Variants in TBC1D32 observed in about 807,000 individuals in gnomAD.
The protein encoded by TBC1D32 is protein broad-minded.
TBC1D32 carries 151 observed loss-of-function variants against 170.3 expected under a neutral mutation model. That is an observed-to-expected ratio of 0.89 (90% CI 0.78 to 1.01). The LOEUF (loss-of-function observed/expected upper bound fraction) is 1.01, where lower values mean the gene tolerates loss of function less well. TBC1D32 is among the 50% of genes least tolerant of loss of function. TBC1D32 has a pLI of 0.00. For synonymous variants in TBC1D32, 498 were observed against 488.0 expected, an observed-to-expected ratio of 1.02 and a Z score of -0.27; for missense variants, 1,464 against 1,457.1, an observed-to-expected ratio of 1.00 and a Z score of -0.08.
At chr6:121,200,504 G>A (rs1326987160) in intron 22 of TBC1D32, among the ~76,000 whole-genome samples, 3 of 151,542 alleles carry the variant, frequency 2.0e-5, no homozygotes, top group Non-Finnish European at 4.4e-5. Context: ...GCTAAGCCTT[G>A]GGCAGTATCA....
chr6:121,119,186 A>T (rs1399782157), intron 26 of TBC1D32, among the ~76,000 whole-genome samples: 1 of 152,196 alleles, frequency 6.6e-6, no homozygotes, highest in East Asian at 1.9e-4. Context: ...CATATTAAAA[A>T]GCACATTGCC....
intron 22 of TBC1D32, among the ~76,000 whole-genome samples, chr6:121,175,783 C>G (rs563647220): frequency 3.0e-4 from 45 of 152,180 alleles, no homozygotes; most frequent in African/African-American, 1.0e-3. Context: ...TTAAAGTCAT[C>G]AGGAAGGCAA....
intron 22 of TBC1D32, chr6:121,170,383 T>C (rs1369144409): frequency 3.2e-6 from 5 of 1,578,546 alleles, no homozygotes; most frequent in Non-Finnish European, 4.3e-6. Flanking sequence ...GCTGTTACTC[T>C]GTTTTAATCA....
chr6:121,121,033 T>C (rs1442834901), intron 26 of TBC1D32, among the ~76,000 whole-genome samples: 1 of 151,912 alleles, frequency 6.6e-6, no homozygotes, highest in Non-Finnish European at 1.5e-5. Context: ...AATATAGATG[T>C]GAATATAGTA....
rs1212176923 is a variant in TBC1D32 at position 121,090,477 on chromosome 6, T to C, written c.3654+376A>G. Among the ~76,000 whole-genome samples the C allele has an allele frequency of 5.3e-5, 8 of 152,232 alleles. No individual in the cohort carries two copies. In the East Asian group the frequency reaches 1.5e-3, roughly 29 times the overall value. On this transcript the variant is annotated intron_variant, in intron 31 of 31. Transcript: ENST00000398212. ...TTATAAAAATGGAAGTTTAGAAAAA[T>C]ATAAAAATATGAAAGCATAGGAAAT... is the stretch of plus-strand genomic sequence containing the variant.
At chr6:121,192,082 A>ATATATCTC (rs57260767) in intron 22 of TBC1D32, among the ~76,000 whole-genome samples, 1 of 133,634 alleles carries the variant, frequency 7.5e-6, no homozygotes, top group African/African-American at 2.6e-5. Flanking sequence ...ATATATATAT[A>ATATATCTC]TCCTATTAGT....
At chr6:121,240,228 A>AT (rs1253302629) in intron 19 of TBC1D32, among the ~76,000 whole-genome samples, 1 of 152,016 alleles carries the variant, frequency 6.6e-6, no homozygotes, top group African/African-American at 2.4e-5. Context: ...AAGCTTAATG[A>AT]TTTTACCAAG....
chr6:121,157,488 T>C (rs1435112476), intron 24 of TBC1D32, among the ~76,000 whole-genome samples: 2 of 152,140 alleles, frequency 1.3e-5, no homozygotes, highest in African/African-American at 4.8e-5. Flanking sequence ...AGTGGGGTGT[T>C]TAGGCCAGTT....
At chr6:121,279,359 A>C in intron 14 of TBC1D32, 114 bp from the exon 15 acceptor site, 1 of 1,204,982 alleles carries the variant, frequency 8.3e-7, no homozygotes. Flanking sequence ...TACAACAAAA[A>C]ACAAGCTTAA....
intron 1 of TBC1D32, among the ~76,000 whole-genome samples, chr6:121,331,795 C>G (rs896797099): frequency 6.6e-6 from 1 of 152,046 alleles, no homozygotes; most frequent in Non-Finnish European, 1.5e-5. Context: ...ATGGAGAGAC[C>G]AAAGTTAAGC....
intron 22 of TBC1D32, among the ~76,000 whole-genome samples, chr6:121,193,146 A>G (rs1790296076): frequency 6.6e-6 from 1 of 152,186 alleles, no homozygotes; most frequent in Non-Finnish European, 1.5e-5. Context: ...GGAACATAGA[A>G]TTGGATCAGG....
intron 20 of TBC1D32, among the ~76,000 whole-genome samples, chr6:121,234,062 T>C (rs1464000158): frequency 1.3e-5 from 2 of 152,172 alleles, no homozygotes; most frequent in Non-Finnish European, 2.9e-5. Context: ...GCTTGTAGGG[T>C]TTCTGGTGAG....
chr6:121,256,541 C>T (rs1016975377), intron 15 of TBC1D32, among the ~76,000 whole-genome samples: 4 of 152,120 alleles, frequency 2.6e-5, no homozygotes, highest in African/African-American at 4.8e-5. Context: ...GCATTGAGAC[C>T]ACAGCCATGT....
intron 20 of TBC1D32, among the ~76,000 whole-genome samples, chr6:121,227,723 TA>T (rs1448952261): frequency 6.6e-6 from 1 of 152,098 alleles, no homozygotes; most frequent in South Asian, 2.1e-4. Flanking sequence ...TATAGTATTT[TA>T]AAAAAACATT....
intron 4 of TBC1D32, 54 bp from the exon 5 acceptor site, chr6:121,308,155 C>T: frequency 1.3e-6 from 2 of 1,553,392 alleles, no homozygotes; most frequent in Non-Finnish European, 1.8e-6. Flanking sequence ...AATAATGCCA[C>T]TTTTCCAAAA....
chr6:121,239,798 A>C (rs1019976776), intron 19 of TBC1D32, among the ~76,000 whole-genome samples: 1 of 152,212 alleles, frequency 6.6e-6, no homozygotes, highest in Non-Finnish European at 1.5e-5. Flanking sequence ...AAATTAGTCT[A>C]TTAAAAAATC....
chr6:121,240,357 A>ATTTTTTTT (rs35946120), intron 19 of TBC1D32, among the ~76,000 whole-genome samples: 4,209 of 75,092 alleles, frequency 0.056, 502 homozygotes, highest in African/African-American at 0.071. Flanking sequence ...GTTTAGGACA[A>ATTTTTTTT]TTTTTTTTTT....
intron 3 of TBC1D32, 81 bp downstream of exon 3, chr6:121,317,414 A>G (rs1189296437): frequency 1.2e-5 from 14 of 1,168,744 alleles, no homozygotes; most frequent in Non-Finnish European, 1.4e-5. Flanking sequence ...GGCAGGAAAA[A>G]TATGGCTAAG....
intron 24 of TBC1D32, among the ~76,000 whole-genome samples, chr6:121,143,362 A>G (rs1216734006): frequency 6.6e-6 from 1 of 152,202 alleles, no homozygotes; most frequent in African/African-American, 2.4e-5. Context: ...AAGAAAAACA[A>G]TTGAACCAGA....
Sources: gnomAD v4.1 joint callset for allele counts (sites outside exome capture counted in the v4.1 genomes callset) on GRCh38, gnomAD v4.1.1 for gene constraint, MANE v1.5 for transcripts, NCBI Gene and HGNC (gene_info 2026-07-23, HGNC 2026-07-21) for gene names.